Variants in TYR observed in about 807,000 individuals in gnomAD.
The protein encoded by TYR is LB24-AB.
Under a neutral mutation model 51.5 loss-of-function variants are expected in TYR, and 58 were observed. The observed-to-expected ratio is 1.13, with a 90% CI of 0.91 to 1.40. TYR has a LOEUF of 1.40. TYR is among the 40% of genes most tolerant of loss of function. TYR has a pLI of 0.00. For synonymous variants in TYR, 263 were observed against 235.2 expected (o/e 1.12, Z -1.08); for missense variants, 732 against 647.4 (o/e 1.13, Z -1.42).
intron 2 of TYR, among the ~76,000 whole-genome samples, chr11:89,213,960 T>A (rs1943797150): frequency 6.6e-6 from 1 of 152,186 alleles, no homozygotes; most frequent in African/African-American, 2.4e-5. Context: ...ATTAAAGACT[T>A]AAATGTTAGA....
rs1367131088 is a variant in TYR at position 89,283,500 on chromosome 11, T to C, written c.1185-1273T>C. ...AAATGTACAGCTAAGTAACGATAGC[T>C]TATTATTTAGTACTTTCACAAAAAC... On this transcript the variant is annotated intron_variant, in intron 3 of 4. Transcript: ENST00000263321. 2.0e-5 allele frequency among the ~76,000 whole-genome samples: 3 copies of C among 151,830 alleles called. 1 individual carries two copies. Among genetic ancestry groups the C allele is most frequent in the Admixed American group, 2.0e-4 (3 of 15,222 alleles).
intron 2 of TYR, among the ~76,000 whole-genome samples, chr11:89,205,886 T>C (rs1943666128): frequency 6.6e-6 from 1 of 152,164 alleles, no homozygotes. Flanking sequence ...TTCATCTAAA[T>C]GAACATAAGA....
chr11:89,225,895 GA>G (rs969325148), intron 2 of TYR, among the ~76,000 whole-genome samples: 3 of 151,866 alleles, frequency 2.0e-5, no homozygotes, highest in African/African-American at 7.2e-5. Flanking sequence ...CGAGGTGATT[GA>G]TATTCCAATT....
chr11:89,216,337 C>T (rs1220860197), intron 2 of TYR, among the ~76,000 whole-genome samples: 1 of 152,066 alleles, frequency 6.6e-6, no homozygotes, highest in African/African-American at 2.4e-5. Context: ...CCATTCATTT[C>T]ATGGAATATT....
At position 89,256,082 on chromosome 11, in the gene TYR, G is replaced by A. The variant is rs184947248; in HGVS notation, c.1184+28112G>A. Among the ~76,000 whole-genome samples, 23 of 151,772 alleles carry A rather than the reference G, an allele frequency of 1.5e-4. No individual in the cohort carries two copies. In the East Asian group the frequency reaches 3.7e-3, roughly 24 times the overall value. On this transcript the variant is annotated intron_variant, in intron 3 of 4. Coordinates refer to ENST00000263321, the MANE Select transcript of TYR (RefSeq NM_000372.5). ...TTGTTATAGAATCAGGGTGAAATAT[G>A]AGTAATAAAGACAATGACCTATATC...
chr11:89,268,742 G>C (rs1227098567), intron 3 of TYR, among the ~76,000 whole-genome samples: 1 of 151,836 alleles, frequency 6.6e-6, no homozygotes, highest in Non-Finnish European at 1.5e-5. Context: ...TCCCCACCCT[G>C]ATATGCATAA....
chr11:89,273,898 C>T (rs1211617066), intron 3 of TYR, among the ~76,000 whole-genome samples: 1 of 151,854 alleles, frequency 6.6e-6, no homozygotes, highest in African/African-American at 2.4e-5. Context: ...TGCCCATGCT[C>T]AAATTTCCTC....
At position 89,179,488 on chromosome 11, in the gene TYR, T is replaced by C. The variant is rs115474821; in HGVS notation, c.819+716T>C. On this transcript the variant is annotated intron_variant, in intron 1 of 4. Transcript: ENST00000263321. ...TTCATTTCATGCTCTTATCAGTCTT[T>C]CCCTATTTTAGAGGTTATAAAGGTA... 5.0e-3 allele frequency among the ~76,000 whole-genome samples: 767 copies of C among 152,240 alleles called. 5 individuals are homozygous for C. Among genetic ancestry groups the C allele is most frequent in the African/African-American group, 0.017 (722 of 41,534 alleles).
At chr11:89,290,762 A>C (rs2135328817) in intron 4 of TYR, among the ~76,000 whole-genome samples, 1 of 152,160 alleles carries the variant, frequency 6.6e-6, no homozygotes, top group African/African-American at 2.4e-5. Context: ...GACTTGAGTC[A>C]CATAGCCATG....
intron 1 of TYR, among the ~76,000 whole-genome samples, chr11:89,188,460 G>T (rs1239167728): frequency 6.6e-6 from 1 of 152,024 alleles, no homozygotes; most frequent in Non-Finnish European, 1.5e-5. Flanking sequence ...GCAGAAATTA[G>T]TGGTGTACAG....
intron 1 of TYR, among the ~76,000 whole-genome samples, chr11:89,185,623 A>G (rs1943361122): frequency 6.6e-6 from 1 of 152,176 alleles, no homozygotes; most frequent in Non-Finnish European, 1.5e-5. Flanking sequence ...GTAAAGAACA[A>G]TGTTATCTCC....
chr11:89,292,454 C>T (rs891243985), intron 4 of TYR, among the ~76,000 whole-genome samples: 2 of 152,024 alleles, frequency 1.3e-5, no homozygotes, highest in African/African-American at 4.8e-5. Flanking sequence ...GATGCTGTCT[C>T]TCCTCAGTGC....
At chr11:89,209,522 G>C (rs1183958955) in intron 2 of TYR, among the ~76,000 whole-genome samples, 2 of 152,160 alleles carry the variant, frequency 1.3e-5, no homozygotes, top group East Asian at 3.9e-4. Flanking sequence ...TTCCACCTCT[G>C]GGGGCAGGGC....
rs112559966 is a variant in TYR, at chr11:89,276,405, T to G, written c.1185-8368T>G. On this transcript the variant is annotated intron_variant, in intron 3 of 4. Transcript: ENST00000263321. ...AGGAAGGAAAGAACAGAAACCTAGA[T>G]AGGGAACACTAAAGTGTCAGAGAAA... Among the ~76,000 whole-genome samples, 906 of 151,914 alleles carry G rather than the reference T, an allele frequency of 6.0e-3. 14 individuals carry two copies. The highest frequency in any genetic ancestry group is 0.021 in the African/African-American group (857 of 41,504).
At chr11:89,237,417 T>C (rs1360404327) in intron 3 of TYR, among the ~76,000 whole-genome samples, 2 of 152,210 alleles carry the variant, frequency 1.3e-5, no homozygotes, top group Non-Finnish European at 2.9e-5. Flanking sequence ...TTATTCTGAA[T>C]GTGACTATCC....
At chr11:89,228,557 C>T (rs969426356) in intron 3 of TYR, among the ~76,000 whole-genome samples, 35 of 152,310 alleles carry the variant, frequency 2.3e-4, no homozygotes, top group African/African-American at 7.7e-4. Context: ...CATCTGTCAT[C>T]AATACATCTT....
chr11:89,210,555 C>T (rs971182837), intron 2 of TYR, among the ~76,000 whole-genome samples: 5 of 152,242 alleles, frequency 3.3e-5, no homozygotes, highest in Non-Finnish European at 7.4e-5. Flanking sequence ...AGGATATTAT[C>T]CAGGAGAACT....
intron 3 of TYR, among the ~76,000 whole-genome samples, chr11:89,249,552 G>A (rs146770477): frequency 0.022 from 3,357 of 151,112 alleles, 115 homozygotes; most frequent in African/African-American, 0.075. Flanking sequence ...AAAAGTACTT[G>A]TTGGGTCTGA....
At chr11:89,279,861 A>C (rs1944700431) in intron 3 of TYR, among the ~76,000 whole-genome samples, 1 of 151,770 alleles carries the variant, frequency 6.6e-6, no homozygotes, top group Admixed American at 6.6e-5. Flanking sequence ...TCTCATACTT[A>C]GTGAGTGGGG....
Sources: allele counts gnomAD v4.1 joint callset (sites outside exome capture counted in the v4.1 genomes callset), GRCh38; gene constraint gnomAD v4.1.1; transcripts MANE v1.5; gene names NCBI Gene and HGNC (gene_info 2026-07-23, HGNC 2026-07-21).